CHD6: variants seen among roughly 807,000 people sequenced by gnomAD.
CHD6 encodes the protein chromodomain helicase DNA binding protein 6, also known as ATP-dependent chromatin remodeler CHD6.
A neutral mutation model predicts 276.9 loss-of-function variants in CHD6; 50 were observed. That is an observed-to-expected ratio of 0.18 (90% CI 0.14 to 0.23). CHD6 has a LOEUF of 0.23. CHD6 is among the 10% of genes least tolerant of loss of function. The pLI is 1.00. For missense variants in CHD6, 2,564 were observed against 3,365.8 expected, an observed-to-expected ratio of 0.76 and a Z score of 5.89; for synonymous variants, 1,173 against 1,229.3, an observed-to-expected ratio of 0.95 and a Z score of 0.96.
At chr20:41,427,686 T>C (rs1444414311) in intron 27 of CHD6, among the ~76,000 whole-genome samples, 1 of 152,192 alleles carries the variant, frequency 6.6e-6, no homozygotes, top group East Asian at 1.9e-4. Context: ...GCTAACCTCC[T>C]TTGCCTGGGC....
At chr20:41,617,913 G>T (rs1319340390) in intron 1 of CHD6, among the ~76,000 whole-genome samples, 1 of 147,566 alleles carries the variant, frequency 6.8e-6, no homozygotes, top group Non-Finnish European at 1.5e-5. Context: ...CCGCCCCAGC[G>T]CGGCTGGGCC....
intron 19 of CHD6, 76 bp downstream of exon 19, chr20:41,455,724 C>T (rs2048358746): frequency 3.1e-6 from 3 of 982,408 alleles, no homozygotes; most frequent in Non-Finnish European, 2.9e-6. Flanking sequence ...AACAGAAGCC[C>T]TGCTAATGGG....
At chr20:41,497,150 C>T in intron 8 of CHD6, 2 of 479,798 alleles carry the variant, frequency 4.2e-6, no homozygotes, top group Non-Finnish European at 7.6e-6. Context: ...AGTATTCAGA[C>T]CAAGATGCAC....
intron 1 of CHD6, among the ~76,000 whole-genome samples, chr20:41,590,017 T>G (rs1051971729): frequency 2.2e-4 from 33 of 151,728 alleles, no homozygotes; most frequent in Non-Finnish European, 4.1e-4. Context: ...AAAACAGAGA[T>G]ATAGACCAAT....
chr20:41,485,434 CAG>C (rs1445479742), intron 14 of CHD6: 2 of 152,116 alleles, frequency 1.3e-5, no homozygotes, highest in African/African-American at 4.8e-5. Context: ...CGTTTCAAGT[CAG>C]AAACGGCTGT....
rs139439737 is a variant in CHD6 at position 41,498,773 on chromosome 20, G to C, written c.915+522C>G. ...TTTCCATTAGGACTCATATGGGTGT[G>C]TATGTGTGTATGTATGTATGTATGT... On this transcript the variant is annotated intron_variant, in intron 6 of 36. Transcript: ENST00000373233. Among the ~76,000 whole-genome samples the C allele has an allele frequency of 3.0e-3, 428 of 144,646 alleles. 2 individuals carry two copies. The highest frequency in any genetic ancestry group is 0.011 in the African/African-American group (396 of 36,894). 94.9% of individuals were successfully genotyped at this position (144,646 alleles called of 152,430 possible).
intron 3 of CHD6, among the ~76,000 whole-genome samples, chr20:41,527,825 A>G (rs2044580976): frequency 6.6e-6 from 1 of 152,180 alleles, no homozygotes; most frequent in Non-Finnish European, 1.5e-5. Context: ...ATAAGAGGAG[A>G]TCAGGTCAGG....
chr20:41,495,016 C>T (rs1262833334), intron 8 of CHD6, among the ~76,000 whole-genome samples: 1 of 149,408 alleles, frequency 6.7e-6, no homozygotes, highest in African/African-American at 2.5e-5. Flanking sequence ...TCTTTAGGCT[C>T]TTCAGCAATC....
Position 41,514,846 on chromosome 20 carries a change from G to C in CHD6, c.661C>G (p.Leu221Val), listed in dbSNP as rs1345473098. 1 of 1,614,062 alleles carries C rather than the reference G, an allele frequency of 6.2e-7. No homozygotes were observed. The highest frequency in any genetic ancestry group is 1.7e-5 in the Admixed American group (1 of 60,004). Residue 221 changes from leucine to valine, a missense_variant, in exon 4 of 37, where the codon CTG becomes GTG. Leu to Val is a conservative substitution (Grantham distance 32). Coordinates refer to ENST00000373233, the MANE Select transcript of CHD6 (RefSeq NM_032221.5). ...TCAGTGGACTCCTCAGGACTCCGCAGAGATGGGTTCGTCAGGCCCTGATCC... is the reference window on the plus strand; with the variant it reads ...TCAGTGGACTCCTCAGGACTCCGCACAGATGGGTTCGTCAGGCCCTGATCC... The part of the protein sequence containing the change: ...ELDQGLTNPS[L>V]RSPEESTEST...
chr20:41,532,495 C>T (rs985502290), intron 3 of CHD6, among the ~76,000 whole-genome samples: 1 of 152,176 alleles, frequency 6.6e-6, no homozygotes, highest in African/African-American at 2.4e-5. Context: ...AAATCACTGC[C>T]CCCTGTATCA....
In CHD6 at chr20:41,407,566, C is replaced by T. The variant is rs959985878; in HGVS notation, c.7252-2077G>A. On this transcript the variant is annotated intron_variant, in intron 36 of 36. Coordinates refer to ENST00000373233, the MANE Select transcript of CHD6 (RefSeq NM_032221.5). Reference sequence around the variant, plus strand: ...AGGCATTTCCCATTTTTCCCACTGCCTCTCTTCTCCATAAACTATGAAATA... The same window carrying T: ...AGGCATTTCCCATTTTTCCCACTGCTTCTCTTCTCCATAAACTATGAAATA... Among the ~76,000 whole-genome samples, 9 of 152,266 alleles carry T rather than the reference C, an allele frequency of 5.9e-5. No individual in the cohort carries two copies. The South Asian group carries it at 1.2e-3, about 21-fold the overall frequency.
chr20:41,462,070 A>G (rs1335425131), intron 17 of CHD6: 2 of 152,318 alleles, frequency 1.3e-5, no homozygotes, highest in Non-Finnish European at 1.5e-5. Context: ...CCCTGCTACT[A>G]GGGATGATCA....
Position 41,597,032 on chromosome 20 carries a change from T to C in CHD6, c.-24+21308A>G, listed in dbSNP as rs1327225110. ...ACTTAAGCCCCCACTCACTAGGCCA[T>C]ATAAAGGGTATGTAAAAGCAAAGCA... On this transcript the variant is annotated intron_variant, in intron 1 of 36. Transcript: ENST00000373233. 3.9e-5 allele frequency among the ~76,000 whole-genome samples: 6 copies of C among 152,038 alleles called. No individual in the cohort carries two copies. The South Asian group carries it at 6.2e-4, about 16-fold the overall frequency.
intron 1 of CHD6, among the ~76,000 whole-genome samples, chr20:41,581,994 T>G (rs961615759): frequency 1.3e-5 from 2 of 152,168 alleles, no homozygotes; most frequent in Admixed American, 6.5e-5. Context: ...CAGCCCTCAC[T>G]TCTTACTTGA....
intron 3 of CHD6, among the ~76,000 whole-genome samples, chr20:41,532,699 G>A (rs1171967359): frequency 6.6e-6 from 1 of 152,124 alleles, no homozygotes; most frequent in Non-Finnish European, 1.5e-5. Context: ...ATGGGATATA[G>A]GGGGTACATC....
intron 17 of CHD6, among the ~76,000 whole-genome samples, chr20:41,458,606 A>T (rs1271767307): frequency 1.3e-5 from 2 of 152,210 alleles, no homozygotes; most frequent in African/African-American, 4.8e-5. Flanking sequence ...ATACTCACAC[A>T]GATATAGAAA....
At chr20:41,425,455 T>C in intron 28 of CHD6, 61 bp from the exon 29 acceptor site, 2 of 1,469,618 alleles carry the variant, frequency 1.4e-6, no homozygotes, top group Non-Finnish European at 1.9e-6. Context: ...AGTGACTGTC[T>C]TTTGGTTTTG....
intron 19 of CHD6, 84 bp downstream of exon 19, chr20:41,455,716 C>T: frequency 2.3e-6 from 2 of 886,092 alleles, no homozygotes; most frequent in Non-Finnish European, 3.3e-6. Context: ...TTCAGAGAAA[C>T]AGAAGCCCTG....
At chr20:41,513,161 CA>C (rs1438234021) in intron 4 of CHD6, among the ~76,000 whole-genome samples, 166 bp from the exon 5 acceptor site, 4 of 152,138 alleles carry the variant, frequency 2.6e-5, no homozygotes, top group African/African-American at 9.7e-5. Context: ...TAAATTCAGT[CA>C]AAATGGGATC....
Sources: allele counts gnomAD v4.1 joint callset (sites outside exome capture counted in the v4.1 genomes callset), GRCh38; gene constraint gnomAD v4.1.1; transcripts MANE v1.5; gene names NCBI Gene and HGNC (gene_info 2026-07-23, HGNC 2026-07-21).